Variants in KLC4 observed in about 807,000 individuals in gnomAD.
KLC4 encodes the protein kinesin light chain 4, also known as kinesin-like protein 8.
A neutral mutation model predicts 77.2 loss-of-function variants in KLC4; 49 were observed. The observed-to-expected ratio is 0.63, with a 90% CI of 0.50 to 0.80. The LOEUF (loss-of-function observed/expected upper bound fraction) is 0.80. KLC4 is among the 30% of genes least tolerant of loss of function. The pLI is 0.00. For missense variants in KLC4, 669 were observed against 793.5 expected (o/e 0.84, Z 1.89); for synonymous variants, 274 against 314.5 (o/e 0.87, Z 1.36).
intron 8 of KLC4, among the ~76,000 whole-genome samples, 169 bp from the exon 9 acceptor site, chr6:43,071,106 C>G (rs960858887): frequency 6.6e-6 from 1 of 151,500 alleles, no homozygotes; most frequent in Non-Finnish European, 1.5e-5. Context: ...ACCCTTGACC[C>G]TACACCTGGA....
chr6:43,073,658 AG>A (rs1223845533), intron 14 of KLC4: 38 of 517,988 alleles, frequency 7.3e-5, no homozygotes, highest in East Asian at 1.4e-4. Flanking sequence ...AAAAAAAAAA[AG>A]AAAAAAAAAA....
In KLC4 at chr6:43,073,213, T is replaced by C. The variant is rs774359032; in HGVS notation, c.1630-10T>C. ...CCTTGTAGCTTTCATTGCTCACTCC[T>C]TTCTGCCAGGATGGCAGTGGGACCC... On this transcript the variant is annotated splice_polypyrimidine_tract_variant and intron_variant, in intron 13 of 15. Coordinates refer to ENST00000347162, the MANE Select transcript of KLC4 (RefSeq NM_201521.3). 1 of 1,608,456 alleles carries C rather than the reference T, an allele frequency of 6.2e-7. No individual in the cohort carries two copies. Among genetic ancestry groups the C allele is most frequent in the Non-Finnish European group, 8.5e-7 (1 of 1,174,938 alleles).
intron 6 of KLC4, among the ~76,000 whole-genome samples, chr6:43,069,550 GTTAT>G (rs1765620438): frequency 6.6e-6 from 1 of 151,868 alleles, no homozygotes; most frequent in East Asian, 1.9e-4. Flanking sequence ...CAGCTGAAAA[GTTAT>G]TTATTTTTTG....
In KLC4 at chr6:43,066,300, G is replaced by T; in HGVS notation, c.572-6G>T. Reference sequence around the variant, plus strand: ...AGTCCTTTGTTTATGTTCTGTGATGGTTTAGTGTCCCGTGGTCAAGGTGCT... The same window carrying T: ...AGTCCTTTGTTTATGTTCTGTGATGTTTTAGTGTCCCGTGGTCAAGGTGCT... On this transcript the variant is annotated splice_polypyrimidine_tract_variant and splice_region_variant and intron_variant, in intron 4 of 15. Coordinates refer to ENST00000347162, the MANE Select transcript of KLC4 (RefSeq NM_201521.3). The T allele has an allele frequency of 6.2e-7, 1 of 1,612,620 alleles. No individual in the cohort carries two copies. Among genetic ancestry groups the T allele is most frequent in the South Asian group, 1.1e-5 (1 of 91,060 alleles).
chr6:43,072,803 G>T (rs777783750), intron 12 of KLC4, 21 bp from the exon 13 acceptor site: 1 of 1,613,246 alleles, frequency 6.2e-7, no homozygotes, highest in Admixed American at 1.7e-5. Flanking sequence ...GGAAGTCCCA[G>T]GTCCTTCCTT....
rs575519250 is a variant in KLC4, at chr6:43,073,106, T to G, written c.1630-117T>G. On this transcript the variant is annotated intron_variant, in intron 13 of 15. Transcript: ENST00000347162. The stretch of plus-strand genomic sequence containing the variant: ...AGCCAGTTTTTGACAGGACTTTTAT[T>G]TCCAGTCACTGGGCCTTGGGGGTGG... The G allele has an allele frequency of 3.1e-5, 41 of 1,316,734 alleles. No individual in the cohort carries two copies. The African/African-American group carries it at 5.1e-4, about 16-fold the overall frequency. The allele number at this position is 1,316,734 out of a possible 1,614,324, so 81.6% of individuals were successfully genotyped here.
chr6:43,060,473 G>C (rs1430451529), intron 1 of KLC4: 1 of 1,379,720 alleles, frequency 7.2e-7, no homozygotes, highest in Non-Finnish European at 9.4e-7. Context: ...GCTGTGAAGT[G>C]GTGAAAGAAG....
chr6:43,067,718 C>T (rs1331473735), intron 6 of KLC4, among the ~76,000 whole-genome samples: 4 of 149,658 alleles, frequency 2.7e-5, no homozygotes, highest in African/African-American at 9.8e-5. Context: ...TGGCGTGAAC[C>T]CGGGAGGCGG....
Position 43,070,879 on chromosome 6 carries a change from GACAAAGTAGGTGGAAGAAACGGAGA to G in KLC4, c.1155+15_1155+39del. The G allele has an allele frequency of 8.3e-7, 1 of 1,205,144 alleles. No homozygotes were observed. The highest frequency in any genetic ancestry group is 5.2e-5 in the East Asian group (1 of 19,398). The allele number at this position is 1,205,144 out of a possible 1,614,324, so 74.7% of individuals were successfully genotyped here. On this transcript the variant is annotated intron_variant, in intron 8 of 15. Transcript: ENST00000347162. ...AAGAACAACCTGGTATGGGAGGAGG[GACAAAGTAGGTGGAAGAAACGGAGA>G]GGGGGGCACAGAGGTGGGGGGAGGG...
rs1765884052 is a variant in KLC4 at position 43,074,520 on chromosome 6, A to AGGTC, written c.1810-101_1810-98dup. On this transcript the variant is annotated intron_variant, in intron 15 of 15. Coordinates refer to ENST00000347162, the MANE Select transcript of KLC4 (RefSeq NM_201521.3). ...CTGGTCCAGAGACAGATGTGATCCT[A>AGGTC]GGTCCAGAGATACACTGTGACCATG... The AGGTC allele has an allele frequency of 6.9e-5, 68 of 989,582 alleles. 3 individuals carry two copies. The South Asian group carries it at 8.7e-4, about 13-fold the overall frequency. 61.3% of individuals were successfully genotyped at this position (989,582 alleles called of 1,614,324 possible).
At position 43,072,247 on chromosome 6, in the gene KLC4, C is replaced by G. The variant is rs368025562; in HGVS notation, c.1480C>G (p.Arg494Gly). Reference sequence around the variant, plus strand: ...CCTGGAGGAATGTGCCCTGCGGTCCCGGAGACAGGTCAGAAGCCCAGAGGG... The same window carrying G: ...CCTGGAGGAATGTGCCCTGCGGTCCGGGAGACAGGTCAGAAGCCCAGAGGG... ...ETLEECALRS[R>G]RQGTDPISQT... is the part of the protein sequence containing the mutation. The change falls in exon 12 of 16, where the codon CGG becomes GGG. Residue 494 changes from arginine to glycine, a missense_variant. Physicochemically the swap from Arg to Gly is moderately radical, Grantham distance 125. Transcript: ENST00000347162. The G allele has an allele frequency of 1.1e-5, 18 of 1,613,210 alleles. No homozygotes were observed. The Admixed American group carries it at 2.0e-4, about 18-fold the overall frequency.
intron 4 of KLC4, 104 bp from the exon 5 acceptor site, chr6:43,066,202 T>C: frequency 1.1e-6 from 1 of 930,516 alleles, no homozygotes; most frequent in Non-Finnish European, 1.7e-6. Context: ...AGAGTCCAGG[T>C]TGGGGTGGGC....
In KLC4 at chr6:43,073,930, A is replaced by G. The variant is rs201804208; in HGVS notation, c.1774A>G (p.Asn592Asp). ...SSNMKRAASL[N>D]YLNQPSAAPL... Reference sequence around the variant, plus strand: ...CAACATGAAGCGAGCAGCCTCCTTGAACTATCTGAACCAACCTAGTGCAGC... The same window carrying G: ...CAACATGAAGCGAGCAGCCTCCTTGGACTATCTGAACCAACCTAGTGCAGC... Residue 592 changes from asparagine (N) to aspartate (D), a missense_variant, in exon 15 of 16, where the codon AAC becomes GAC. Physicochemically the swap from Asn to Asp is conservative, Grantham distance 23 (BLOSUM62 1). Coordinates refer to ENST00000347162, the MANE Select transcript of KLC4 (RefSeq NM_201521.3). The G allele has an allele frequency of 1.3e-5, 21 of 1,613,792 alleles. No individual in the cohort carries two copies. In the African/African-American group the frequency reaches 1.9e-4, roughly 14 times the overall value.
In KLC4 at chr6:43,069,230, TTG is replaced by T. The variant is rs532844902; in HGVS notation, c.880-1122_880-1121del. Among the ~76,000 whole-genome samples, 9 of 151,606 alleles carry T rather than the reference TTG, an allele frequency of 5.9e-5. No individual in the cohort carries two copies. The South Asian group carries it at 1.9e-3, about 32-fold the overall frequency. ...GTACAGAAAATGAAAAATGAAAAGT[TTG>T]TTTGTTTTGTTTTGTTTTGTTTTGT... On this transcript the variant is annotated intron_variant, in intron 6 of 15. Coordinates refer to ENST00000347162, the MANE Select transcript of KLC4 (RefSeq NM_201521.3).
intron 3 of KLC4, among the ~76,000 whole-genome samples, chr6:43,064,463 G>A (rs1765318457): frequency 6.6e-6 from 1 of 152,220 alleles, no homozygotes; most frequent in Non-Finnish European, 1.5e-5. Context: ...GGTGGAAGCT[G>A]CAGTGAGCTG....
At chr6:43,064,093 C>A (rs1469749484) in intron 3 of KLC4, among the ~76,000 whole-genome samples, 1 of 152,166 alleles carries the variant, frequency 6.6e-6, no homozygotes, top group Non-Finnish European at 1.5e-5. Context: ...TGCCCTCGGC[C>A]TCCCAAAATG....
At chr6:43,069,045 T>C (rs1489931335) in intron 6 of KLC4, among the ~76,000 whole-genome samples, 1 of 151,980 alleles carries the variant, frequency 6.6e-6, no homozygotes, top group Non-Finnish European at 1.5e-5. Context: ...GAGGCTGAGG[T>C]TGCAGTGAGC....
intron 3 of KLC4, chr6:43,065,394 G>A (rs573440219): frequency 2.1e-6 from 1 of 476,244 alleles, no homozygotes; most frequent in African/African-American, 1.9e-5. Flanking sequence ...CTTTCTGTAT[G>A]AGAAGGAGGG....
intron 6 of KLC4, among the ~76,000 whole-genome samples, chr6:43,068,494 C>T (rs1765566857): frequency 6.7e-6 from 1 of 149,614 alleles, no homozygotes; most frequent in African/African-American, 2.5e-5. Flanking sequence ...AAATAAATGA[C>T]AGACCAGATT....
Sources: gnomAD v4.1 joint callset for allele counts (sites outside exome capture counted in the v4.1 genomes callset) on GRCh38, gnomAD v4.1.1 for gene constraint, MANE v1.5 for transcripts, NCBI Gene and HGNC (gene_info 2026-07-23, HGNC 2026-07-21) for gene names.